Variants in APBA2 observed in about 807,000 individuals in gnomAD.
APBA2 encodes the protein amyloid beta precursor protein binding family A member 2.
Under a neutral mutation model 75.0 loss-of-function variants are expected in APBA2, and 30 were observed. That is an observed-to-expected ratio of 0.40 (90% confidence interval 0.30 to 0.54). APBA2 has a LOEUF of 0.54. Ranked by LOEUF, APBA2 falls within the 20% of genes least tolerant of loss-of-function variation. The probability of loss-of-function intolerance (pLI) is 0.49; values close to 1 mark genes in which losing one functional copy is unlikely to be tolerated. For missense variants in APBA2, 801 were observed against 1,016.1 expected (o/e 0.79, Z 2.88); for synonymous variants, 444 against 409.6 (o/e 1.08, Z -1.01).
intron 2 of APBA2, among the ~76,000 whole-genome samples, chr15:28,966,058 C>T (rs1166714833): frequency 1.3e-5 from 2 of 152,118 alleles, no homozygotes; most frequent in African/African-American, 4.8e-5. Flanking sequence ...TTTTGGTCAA[C>T]ATATTCTGCA....
At chr15:29,077,612 G>C (rs1168473456) in intron 6 of APBA2, among the ~76,000 whole-genome samples, 1 of 152,156 alleles carries the variant, frequency 6.6e-6, no homozygotes, top group Non-Finnish European at 1.5e-5. Context: ...GCACCACTCA[G>C]ACTGTTCCAA....
chr15:29,094,429 CT>C, intron 8 of APBA2, 116 bp downstream of exon 8: 1 of 990,272 alleles, frequency 1.0e-6, no homozygotes, highest in East Asian at 2.4e-5. Context: ...TGCAAAGCAG[CT>C]TTTCCTCTTC....
At chr15:28,966,015 GT>G (rs1226642088) in intron 2 of APBA2, among the ~76,000 whole-genome samples, 1 of 151,828 alleles carries the variant, frequency 6.6e-6, no homozygotes, top group Non-Finnish European at 1.5e-5. Context: ...TTTTCCTGTA[GT>G]TTTTTTGTCA....
Position 29,109,019 on chromosome 15 carries a change from C to T in APBA2, c.2037+630C>T, listed in dbSNP as rs2044590045. ...CTGAATTCTTTTTTCCTTTGTTTTT[C>T]CTCCTGCAAAAGACCCAGAGGGCAG... On this transcript the variant is annotated intron_variant, in intron 13 of 14. Transcript: ENST00000683413. Among the ~76,000 whole-genome samples the T allele has an allele frequency of 2.0e-5, 3 of 152,146 alleles. No individual in the cohort carries two copies. The South Asian group carries it at 6.2e-4, about 32-fold the overall frequency.
chr15:28,949,714 A>G (rs1169520029), intron 2 of APBA2, among the ~76,000 whole-genome samples: 3 of 152,152 alleles, frequency 2.0e-5, no homozygotes, highest in Non-Finnish European at 2.9e-5. Flanking sequence ...AGTGATCCTC[A>G]TGCCTCCACC....
At chr15:29,105,627 C>T (rs539229670) in intron 11 of APBA2, 69 bp downstream of exon 11, 6 of 1,567,018 alleles carry the variant, frequency 3.8e-6, no homozygotes, top group East Asian at 2.2e-5. Context: ...TCCTGCAGAG[C>T]GAGCCTTCCC....
chr15:28,926,382 C>T (rs2034261172), intron 2 of APBA2, among the ~76,000 whole-genome samples: 1 of 152,072 alleles, frequency 6.6e-6, no homozygotes, highest in African/African-American at 2.4e-5. Context: ...AATCTAAGCC[C>T]ACCTTCAAAT....
At chr15:29,107,196 G>A in intron 12 of APBA2, among the ~76,000 whole-genome samples, 1 of 152,290 alleles carries the variant, frequency 6.6e-6, no homozygotes, top group South Asian at 2.1e-4. Context: ...CCCCCTCAGT[G>A]CTGGTGGGCT....
intron 3 of APBA2, among the ~76,000 whole-genome samples, chr15:29,042,685 T>C (rs910766872): frequency 4.6e-5 from 7 of 152,272 alleles, no homozygotes; most frequent in Non-Finnish European, 8.8e-5. Flanking sequence ...TACACAGTAC[T>C]GTATGCACTT....
At chr15:28,888,337 A>G (rs2031893627) in intron 1 of APBA2, among the ~76,000 whole-genome samples, 1 of 152,162 alleles carries the variant, frequency 6.6e-6, no homozygotes, top group Non-Finnish European at 1.5e-5. Flanking sequence ...CCTAGACAAA[A>G]CTGAGGAAGT....
At chr15:29,050,850 A>C (rs2041561713) in intron 3 of APBA2, among the ~76,000 whole-genome samples, 1 of 152,218 alleles carries the variant, frequency 6.6e-6, no homozygotes, top group Non-Finnish European at 1.5e-5. Flanking sequence ...GCATACCTTC[A>C]ACGTGCACAG....
At position 28,980,253 on chromosome 15, in the gene APBA2, A is replaced by C. The variant is rs2152765438; in HGVS notation, c.-94-15500A>C. On this transcript the variant is annotated intron_variant, in intron 2 of 14. Coordinates refer to ENST00000683413, the MANE Select transcript of APBA2 (RefSeq NM_001353788.2). ...CTGAGCCAGAGCAATCAGGCAACAAAGAAATAAAAGGCATCCAAATAAGAA... is the reference window on the plus strand; with the variant it reads ...CTGAGCCAGAGCAATCAGGCAACAACGAAATAAAAGGCATCCAAATAAGAA... Among the ~76,000 whole-genome samples, 2 of 152,320 alleles carry C rather than the reference A, an allele frequency of 1.3e-5. 1 individual carries two copies. Among genetic ancestry groups the C allele is most frequent in the South Asian group, 4.2e-4 (2 of 4,818 alleles).
chr15:29,012,858 A>G (rs1255938403), intron 3 of APBA2, among the ~76,000 whole-genome samples: 2 of 152,118 alleles, frequency 1.3e-5, no homozygotes, highest in South Asian at 4.1e-4. Flanking sequence ...CTTAACCACT[A>G]CTTTCTTCCT....
intron 6 of APBA2, among the ~76,000 whole-genome samples, chr15:29,084,776 G>T (rs1051578573): frequency 3.9e-5 from 6 of 152,046 alleles, no homozygotes; most frequent in African/African-American, 1.4e-4. Context: ...AATTTTTGTT[G>T]GTGTTATTGT....
chr15:28,943,913 T>C (rs1430322273), intron 2 of APBA2, among the ~76,000 whole-genome samples: 1 of 152,146 alleles, frequency 6.6e-6, no homozygotes, highest in Non-Finnish European at 1.5e-5. Context: ...TTTGTCCTGC[T>C]TGGGGAGGCT....
intron 4 of APBA2, among the ~76,000 whole-genome samples, chr15:29,055,076 G>A (rs2041820242): frequency 6.6e-6 from 1 of 152,208 alleles, no homozygotes; most frequent in South Asian, 2.1e-4. Context: ...GTGGCAACTC[G>A]TGTCTCGCAG....
In APBA2 at chr15:28,918,863, A is replaced by T. The variant is rs1195174337; in HGVS notation, c.-204-2777A>T. ...TTGCCAGTTAATTGTGGGGATTATT[A>T]TTTTTTTTTTTTTGTAGACGGAGTC... On this transcript the variant is annotated intron_variant, in intron 1 of 14. Coordinates refer to ENST00000683413, the MANE Select transcript of APBA2 (RefSeq NM_001353788.2). This position sits in a 1 kb window ranked among gnomAD's most constrained non-coding sequence, Gnocchi z 4.2. Among the ~76,000 whole-genome samples the T allele has an allele frequency of 3.5e-5, 5 of 143,812 alleles. No homozygotes were observed. The highest frequency in any genetic ancestry group is 6.1e-5 in the Non-Finnish European group (4 of 65,224). 94.3% of individuals were successfully genotyped at this position (143,812 alleles called of 152,430 possible).
At chr15:29,070,597 G>T (rs1249122724) in intron 4 of APBA2, 2 of 162,748 alleles carry the variant, frequency 1.2e-5, no homozygotes, top group East Asian at 3.6e-4. Context: ...GGAAGGAAAA[G>T]AACAATACCG....
At chr15:29,067,234 T>A (rs2042416849) in intron 4 of APBA2, among the ~76,000 whole-genome samples, 1 of 152,198 alleles carries the variant, frequency 6.6e-6, no homozygotes. Context: ...CATTTCAGTA[T>A]GAGATTTGGG....
Sources: allele counts gnomAD v4.1 joint callset (sites outside exome capture counted in the v4.1 genomes callset), GRCh38; gene constraint gnomAD v4.1.1; non-coding constraint Gnocchi (gnomAD v3.1); transcripts MANE v1.5; gene names NCBI Gene and HGNC (gene_info 2026-07-23, HGNC 2026-07-21).